Variants in MTMR12 observed in about 807,000 individuals in gnomAD.
MTMR12 encodes myotubularin-related protein 12.
A neutral mutation model predicts 96.7 loss-of-function variants in MTMR12; 33 were observed. That is an observed-to-expected ratio of 0.34 (90% CI 0.26 to 0.46). The LOEUF (loss-of-function observed/expected upper bound fraction) is 0.46. Ranked by LOEUF, MTMR12 falls within the 20% of genes least tolerant of loss-of-function variation. The pLI is 1.00. For synonymous variants in MTMR12, 298 were observed against 327.2 expected (o/e 0.91, Z 0.96); for missense variants, 721 against 896.1 (o/e 0.80, Z 2.49).
Position 32,264,499 on chromosome 5 carries a change from C to T in MTMR12, c.584-1257G>A, listed in dbSNP as rs764578930. Among the ~76,000 whole-genome samples the T allele has an allele frequency of 1.5e-4, 22 of 149,756 alleles. No individual in the cohort carries two copies. In the South Asian group the frequency reaches 1.9e-3, roughly 13 times the overall value. On this transcript the variant is annotated intron_variant, in intron 6 of 15. Coordinates refer to ENST00000382142, the MANE Select transcript of MTMR12 (RefSeq NM_001040446.3). ...TTTTTGAGACGGAGTCTCGCTCTTTCGCCCAGGCTGGAGTGCAGCGGCGTG... is the reference window on the plus strand; with the variant it reads ...TTTTTGAGACGGAGTCTCGCTCTTTTGCCCAGGCTGGAGTGCAGCGGCGTG...
In MTMR12 at chr5:32,227,602, G is replaced by A. The variant is rs1747782324; in HGVS notation, c.*2176C>T. 6.6e-6 allele frequency: 1 copy of A among 152,636 alleles called. No homozygotes were observed. Among genetic ancestry groups the A allele is most frequent in the African/African-American group, 2.4e-5 (1 of 41,452 alleles). The allele number at this position is 152,636 out of a possible 1,614,324, so 9.5% of individuals were successfully genotyped here. A position where few individuals can be genotyped will look rare whatever the true frequency, so the allele number is the denominator to read the frequency against. ...TTTTGGAATGAAAATTACAAAGCCTGAAGAGGCTACTGTATAAATATTCAC... is the reference window on the plus strand; with the variant it reads ...TTTTGGAATGAAAATTACAAAGCCTAAAGAGGCTACTGTATAAATATTCAC... On this transcript the variant is annotated 3_prime_UTR_variant, in exon 16 of 16. Coordinates refer to ENST00000382142, the MANE Select transcript of MTMR12 (RefSeq NM_001040446.3).
chr5:32,274,284 AAG>A (rs1749964338), intron 2 of MTMR12, among the ~76,000 whole-genome samples, 162 bp from the exon 3 acceptor site: 1 of 152,240 alleles, frequency 6.6e-6, no homozygotes, highest in South Asian at 2.1e-4. Context: ...GCAAAAACAT[AAG>A]AGAGAAGATG....
At chr5:32,303,478 A>C (rs1009300077) in intron 1 of MTMR12, among the ~76,000 whole-genome samples, 1 of 152,166 alleles carries the variant, frequency 6.6e-6, no homozygotes, top group African/African-American at 2.4e-5. Flanking sequence ...AGGAGATTAG[A>C]GATTAAAAGA....
intron 6 of MTMR12, among the ~76,000 whole-genome samples, chr5:32,267,228 T>C (rs931535220): frequency 6.6e-6 from 1 of 151,676 alleles, no homozygotes; most frequent in Non-Finnish European, 1.5e-5. Context: ...ATACAAAAAT[T>C]AGCCGGGCGT....
chr5:32,263,282 T>A (rs1749445765), intron 6 of MTMR12, 40 bp from the exon 7 acceptor site: 5 of 1,610,502 alleles, frequency 3.1e-6, no homozygotes, highest in Non-Finnish European at 4.2e-6. Context: ...AATCTTTCCA[T>A]GAAGCACTGG....
chr5:32,255,460 C>G (rs1749100117), intron 8 of MTMR12, among the ~76,000 whole-genome samples: 2 of 152,234 alleles, frequency 1.3e-5, no homozygotes, highest in Admixed American at 1.3e-4. Context: ...CTATGATCCT[C>G]TTAAAGCTCT....
intron 10 of MTMR12, among the ~76,000 whole-genome samples, chr5:32,245,997 T>C (rs1349979907): frequency 2.0e-5 from 3 of 152,166 alleles, no homozygotes; most frequent in African/African-American, 7.2e-5. Context: ...ATTGCTTTGA[T>C]TGTATTTTGT....
rs190565890 is a variant in MTMR12 at position 32,279,821 on chromosome 5, T to C, written c.82-3079A>G. Among the ~76,000 whole-genome samples, 220 of 152,354 alleles carry C rather than the reference T, an allele frequency of 1.4e-3. 1 individual carries two copies. The highest frequency in any genetic ancestry group is 9.9e-3 in the Admixed American group (152 of 15,308). ...GAGCGTGCAACCTGGATCTCTTGCA[T>C]GTGCAGTTCACAATAGGGTTCATGC... On this transcript the variant is annotated intron_variant, in intron 1 of 15. Coordinates refer to ENST00000382142, the MANE Select transcript of MTMR12 (RefSeq NM_001040446.3).
chr5:32,298,035 C>A (rs995669494), intron 1 of MTMR12, among the ~76,000 whole-genome samples: 1 of 152,188 alleles, frequency 6.6e-6, no homozygotes, highest in African/African-American at 2.4e-5. Context: ...CTTGGCTGTG[C>A]CTTGAAAGCT....
chr5:32,309,851 G>A (rs7716300), intron 1 of MTMR12: 42,854 of 151,742 alleles, frequency 0.28, 6,238 homozygotes, highest in East Asian at 0.42. Context: ...AAAAAGATAA[G>A]CAATAACAAA....
In MTMR12 at chr5:32,247,104, C is replaced by T. The variant is rs189997137; in HGVS notation, c.1021+898G>A. ...GCGGCTCATGCCTATAATCCCAGCA[C>T]TTTGCAAGGCCAAAGTGGGAGGATT... On this transcript the variant is annotated intron_variant, in intron 10 of 15. Coordinates refer to ENST00000382142, the MANE Select transcript of MTMR12 (RefSeq NM_001040446.3). Among the ~76,000 whole-genome samples the T allele has an allele frequency of 1.7e-3, 255 of 152,272 alleles. 3 individuals are homozygous for T. The highest frequency in any genetic ancestry group is 5.6e-3 in the African/African-American group (231 of 41,530).
At chr5:32,270,715 G>A (rs1336505982) in intron 5 of MTMR12, 102 bp downstream of exon 5, 2 of 1,318,376 alleles carry the variant, frequency 1.5e-6, no homozygotes, top group East Asian at 2.4e-5. Flanking sequence ...AGTTCACAGA[G>A]TGAAAGCCTC....
At chr5:32,264,519 G>T (rs982516234) in intron 6 of MTMR12, among the ~76,000 whole-genome samples, 1 of 151,196 alleles carries the variant, frequency 6.6e-6, no homozygotes, top group African/African-American at 2.4e-5. Flanking sequence ...GGAGTGCAGC[G>T]GCGTGATCTC....
intron 12 of MTMR12, among the ~76,000 whole-genome samples, chr5:32,239,830 C>T (rs1175482529): frequency 6.6e-6 from 1 of 152,214 alleles, no homozygotes; most frequent in Admixed American, 6.5e-5. Flanking sequence ...AGGAGACAAA[C>T]TCTCCTTGGT....
Position 32,228,538 on chromosome 5 carries a change from TATATATCATATATATGTG to T in MTMR12, c.*1222_*1239del. On this transcript the variant is annotated 3_prime_UTR_variant, in exon 16 of 16. Transcript: ENST00000382142. ...AAAAATATATATCATATATATGATA[TATATATCATATATATGTG>T]ATATATATATATCATATATATATCA... 1 of 140,914 alleles carries T rather than the reference TATATATCATATATATGTG, an allele frequency of 7.1e-6. No homozygotes were observed. The highest frequency in any genetic ancestry group is 7.3e-5 in the Admixed American group (1 of 13,776). The allele number at this position is 140,914 out of a possible 1,614,324, so 8.7% of individuals were successfully genotyped here.
At chr5:32,268,991 G>A (rs985657567) in intron 5 of MTMR12, among the ~76,000 whole-genome samples, 197 bp from the exon 6 acceptor site, 4 of 151,682 alleles carry the variant, frequency 2.6e-5, no homozygotes, top group Non-Finnish European at 4.4e-5. Context: ...TAACCATTTT[G>A]TGAGGTTTTC....
intron 1 of MTMR12, among the ~76,000 whole-genome samples, chr5:32,302,658 A>G (rs1404913936): frequency 1.3e-5 from 2 of 152,030 alleles, no homozygotes; most frequent in Non-Finnish European, 2.9e-5. Flanking sequence ...CGGAGGTTGC[A>G]GTGAGCCAAG....
rs535978268 is a variant in MTMR12, at chr5:32,255,916, C to T, written c.714-148G>A. 8.5e-5 allele frequency: 53 copies of T among 626,136 alleles called. No individual in the cohort carries two copies. The African/African-American group carries it at 8.9e-4, about 10-fold the overall frequency. 38.8% of individuals were successfully genotyped at this position (626,136 alleles called of 1,614,324 possible). A position where few individuals can be genotyped will look rare whatever the true frequency, so the allele number is the denominator to read the frequency against. ...GTTCAGAACCAGCTCAGAGGAACTGCTGCTTTCGGTGTGGCGTGAAGTACT... is the reference window on the plus strand; with the variant it reads ...GTTCAGAACCAGCTCAGAGGAACTGTTGCTTTCGGTGTGGCGTGAAGTACT... On this transcript the variant is annotated intron_variant, in intron 7 of 15. Transcript: ENST00000382142.
chr5:32,237,910 A>C (rs1748301739), intron 13 of MTMR12, among the ~76,000 whole-genome samples: 1 of 151,750 alleles, frequency 6.6e-6, no homozygotes, highest in Non-Finnish European at 1.5e-5. Flanking sequence ...TGGGAGGCTG[A>C]GGCAGGTGGG....
Sources: allele counts gnomAD v4.1 joint callset (sites outside exome capture counted in the v4.1 genomes callset), GRCh38; gene constraint gnomAD v4.1.1; transcripts MANE v1.5; gene names NCBI Gene and HGNC (gene_info 2026-07-23, HGNC 2026-07-21).